Variants in LRP1B observed in about 807,000 individuals in gnomAD.
LRP1B encodes low-density lipoprotein receptor-related protein 1B.
Under a neutral mutation model 556.6 loss-of-function variants are expected in LRP1B, and 217 were observed. That is an observed-to-expected ratio of 0.39 (90% CI 0.35 to 0.44). The LOEUF (loss-of-function observed/expected upper bound fraction) is 0.44. LRP1B is among the 20% of genes least tolerant of loss of function. The pLI, the probability that LRP1B is intolerant of heterozygous loss-of-function variation, is 1.00. For synonymous variants in LRP1B, 2,047 were observed against 1,865.8 expected (o/e 1.10, Z -2.50); for missense variants, 5,053 against 5,620.8 (o/e 0.90, Z 3.23).
At chr2:140,673,239 C>T (rs998549081) in intron 41 of LRP1B, among the ~76,000 whole-genome samples, 3 of 152,140 alleles carry the variant, frequency 2.0e-5, no homozygotes, top group African/African-American at 7.2e-5. Flanking sequence ...AACTCCTGCT[C>T]TATGTATAAT....
rs1243611511 is a variant in LRP1B, at chr2:140,506,785, G to T, written c.8521+11C>A. ...TAGGAATCTCCTTCATGAAGTTTTA[G>T]ATGTACTTACCACACTGCGGTGACT... On this transcript the variant is annotated intron_variant, in intron 53 of 90. Transcript: ENST00000389484. 1 of 1,603,624 alleles carries T rather than the reference G, an allele frequency of 6.2e-7. No homozygotes were observed. Among genetic ancestry groups the T allele is most frequent in the Non-Finnish European group, 8.5e-7 (1 of 1,176,370 alleles).
intron 3 of LRP1B, among the ~76,000 whole-genome samples, chr2:141,368,911 A>G (rs1025763960): frequency 1.3e-5 from 2 of 152,182 alleles, no homozygotes; most frequent in Admixed American, 1.3e-4. Flanking sequence ...ACAAAATTAC[A>G]TATTTCAGCT....
chr2:140,635,234 A>G (rs1440070213), intron 41 of LRP1B, among the ~76,000 whole-genome samples: 1 of 152,190 alleles, frequency 6.6e-6, no homozygotes, highest in Non-Finnish European at 1.5e-5. Context: ...TATACCACAT[A>G]GAGTTACTGT....
At chr2:140,283,135 C>T (rs1682984921) in intron 84 of LRP1B, among the ~76,000 whole-genome samples, 1 of 151,582 alleles carries the variant, frequency 6.6e-6, no homozygotes, top group South Asian at 2.1e-4. Flanking sequence ...GGAGTCAAAA[C>T]ACATAGAGTA....
intron 2 of LRP1B, among the ~76,000 whole-genome samples, chr2:141,653,848 G>A (rs1689894402): frequency 6.6e-6 from 1 of 152,156 alleles, no homozygotes; most frequent in African/African-American, 2.4e-5. Context: ...GTGGTTTACA[G>A]TATTTTCTTT....
At chr2:141,362,591 A>G (rs1236878399) in intron 3 of LRP1B, among the ~76,000 whole-genome samples, 1 of 152,240 alleles carries the variant, frequency 6.6e-6, no homozygotes, top group African/African-American at 2.4e-5. Context: ...AGTCAGGAAG[A>G]GAGATTTCTA....
intron 84 of LRP1B, among the ~76,000 whole-genome samples, chr2:140,291,999 C>T (rs576021764): frequency 6.6e-6 from 1 of 152,174 alleles, no homozygotes; most frequent in East Asian, 1.9e-4. Context: ...AATGATCACC[C>T]TTCTAAGTGG....
At chr2:141,525,037 C>CTTG (rs1298172291) in intron 2 of LRP1B, among the ~76,000 whole-genome samples, 2 of 151,994 alleles carry the variant, frequency 1.3e-5, no homozygotes, top group African/African-American at 4.8e-5. Flanking sequence ...AATATCGACT[C>CTTG]TTGTTTTTTT....
At chr2:141,215,252 T>TGAGACCTCCCC (rs371062447) in intron 6 of LRP1B, among the ~76,000 whole-genome samples, 6 of 152,180 alleles carry the variant, frequency 3.9e-5, no homozygotes, top group African/African-American at 1.4e-4. Flanking sequence ...GCAACCTTCC[T>TGAGACCTCCCC]GAGACCTCCC....
chr2:141,985,788 A>G (rs1345646579), intron 1 of LRP1B, among the ~76,000 whole-genome samples: 1 of 152,070 alleles, frequency 6.6e-6, no homozygotes, highest in South Asian at 2.1e-4. Flanking sequence ...TCAGTTTGAA[A>G]TTGTCTAAAA....
chr2:141,989,471 C>T (rs1450348198), intron 1 of LRP1B, among the ~76,000 whole-genome samples: 3 of 151,986 alleles, frequency 2.0e-5, no homozygotes, highest in Non-Finnish European at 4.4e-5. Flanking sequence ...TTTAATATTA[C>T]ATTTTTATAT....
At chr2:140,770,692 G>A (rs1326388539) in intron 34 of LRP1B, among the ~76,000 whole-genome samples, 189 bp downstream of exon 34, 1 of 151,974 alleles carries the variant, frequency 6.6e-6, no homozygotes, top group African/African-American at 2.4e-5. Context: ...TTATAAGGCA[G>A]AACAATGATA....
intron 2 of LRP1B, among the ~76,000 whole-genome samples, chr2:141,552,604 C>A (rs1685794439): frequency 6.6e-6 from 1 of 151,982 alleles, no homozygotes; most frequent in Non-Finnish European, 1.5e-5. Context: ...ATAGGAGGCT[C>A]ACAGCCTCAT....
At chr2:141,435,249 T>G (rs1231504035) in intron 3 of LRP1B, among the ~76,000 whole-genome samples, 5 of 152,120 alleles carry the variant, frequency 3.3e-5, no homozygotes, top group Non-Finnish European at 7.4e-5. Context: ...AGGTGCCCAC[T>G]CCGTGTTGAT....
intron 47 of LRP1B, among the ~76,000 whole-genome samples, chr2:140,528,525 C>T (rs1690539078): frequency 6.6e-6 from 1 of 151,466 alleles, no homozygotes; most frequent in Admixed American, 6.6e-5. Flanking sequence ...AACAATAGGG[C>T]TAATGAATCT....
At chr2:141,175,665 G>A (rs1680701447) in intron 7 of LRP1B, among the ~76,000 whole-genome samples, 1 of 152,154 alleles carries the variant, frequency 6.6e-6, no homozygotes, top group African/African-American at 2.4e-5. Flanking sequence ...AGGGCAGTGG[G>A]AGAATGTGGG....
At chr2:140,923,280 A>T (rs1209985535) in intron 20 of LRP1B, 133 bp from the exon 21 acceptor site, 2 of 618,200 alleles carry the variant, frequency 3.2e-6, no homozygotes, top group Non-Finnish European at 5.5e-6. Context: ...GAGAGAATAC[A>T]TTTTTACTTT....
At chr2:141,226,688 T>G (rs1488229614) in intron 6 of LRP1B, among the ~76,000 whole-genome samples, 1 of 152,120 alleles carries the variant, frequency 6.6e-6, no homozygotes, top group East Asian at 1.9e-4. Flanking sequence ...GACAAAGATT[T>G]TATGTAATTA....
At position 140,358,071 on chromosome 2, in the gene LRP1B, G is replaced by A. The variant is rs1271925027; in HGVS notation, c.11303C>T (p.Ala3768Val). 6 of 1,611,090 alleles carry A rather than the reference G, an allele frequency of 3.7e-6. No homozygotes were observed. Among genetic ancestry groups the A allele is most frequent in the South Asian group, 3.3e-5 (3 of 90,966 alleles). ...KARPCKKDEF[A>V]CSNKKCIPMD... ...AGGGATGCATTTTTTATTACTACAA[G>A]CAAACTCATCCTTTTTACAAGGCCT... The change falls in exon 74 of 91, where the codon GCT becomes GTT. Residue 3768 changes from alanine to valine, a missense_variant. Ala to Val is a moderately conservative substitution (Grantham distance 64). This residue lies in a region of LRP1B where 599 missense variants were observed against 648.4 expected (regional missense o/e 0.92). Transcript: ENST00000389484.
Sources: gnomAD v4.1 joint callset for allele counts (sites outside exome capture counted in the v4.1 genomes callset) on GRCh38, gnomAD v4.1.1 for gene constraint, gnomAD v4.1.1 regional missense constraint, MANE v1.5 for transcripts, NCBI Gene and HGNC (gene_info 2026-07-23, HGNC 2026-07-21) for gene names.